The following HECW2 variants were observed in gnomAD, a reference collection of about 807,000 sequenced individuals.
HECW2 encodes HECT, C2 and WW domain containing E3 ubiquitin protein ligase 2, also known as E3 ubiquitin-protein ligase HECW2.
Under a neutral mutation model 175.2 loss-of-function variants are expected in HECW2, and 61 were observed. The observed-to-expected ratio is 0.35, with a 90% CI of 0.28 to 0.43. The LOEUF (loss-of-function observed/expected upper bound fraction) is 0.43, where lower values mean the gene tolerates loss of function less well. Among genes scored for constraint, HECW2 ranks in the 20% least tolerant of loss-of-function variants. HECW2 has a pLI of 1.00. For missense variants in HECW2, 1,524 were observed against 2,000.5 expected, an observed-to-expected ratio of 0.76 and a Z score of 4.54; for synonymous variants, 671 against 731.0, an observed-to-expected ratio of 0.92 and a Z score of 1.32.
chr2:196,491,035 C>T (rs1687167540), intron 1 of HECW2, among the ~76,000 whole-genome samples: 1 of 152,016 alleles, frequency 6.6e-6, no homozygotes, highest in South Asian at 2.1e-4. Flanking sequence ...TTTAGTCATG[C>T]TTATACAACT....
intron 2 of HECW2, among the ~76,000 whole-genome samples, chr2:196,399,742 C>A (rs956374756): frequency 1.3e-5 from 2 of 152,214 alleles, no homozygotes; most frequent in African/African-American, 4.8e-5. Flanking sequence ...CTAAGTAGGA[C>A]TGACAGATAG....
At chr2:196,277,228 C>G (rs965277432) in intron 15 of HECW2, among the ~76,000 whole-genome samples, 4 of 152,070 alleles carry the variant, frequency 2.6e-5, no homozygotes, top group Non-Finnish European at 5.9e-5. Flanking sequence ...GTGTGGTTAC[C>G]ATTGGTCCCT....
At chr2:196,226,969 A>G (rs1444296620) in intron 22 of HECW2, among the ~76,000 whole-genome samples, 1 of 152,228 alleles carries the variant, frequency 6.6e-6, no homozygotes, top group Non-Finnish European at 1.5e-5. Context: ...CTCTTTCAAA[A>G]GGATTCAAGT....
chr2:196,273,432 C>A (rs1689824049), intron 16 of HECW2, among the ~76,000 whole-genome samples: 2 of 152,318 alleles, frequency 1.3e-5, no homozygotes, highest in African/African-American at 4.8e-5. Flanking sequence ...TCCACTCCAC[C>A]TGCCTCAGGC....
intron 1 of HECW2, among the ~76,000 whole-genome samples, chr2:196,549,252 A>G (rs560250896): frequency 3.7e-4 from 57 of 152,328 alleles, no homozygotes; most frequent in Non-Finnish European, 4.3e-4. Context: ...AAAATAGAGC[A>G]CAGTCAGCAG....
chr2:196,348,926 C>G (rs1693064107), intron 2 of HECW2, among the ~76,000 whole-genome samples: 2 of 152,178 alleles, frequency 1.3e-5, no homozygotes, highest in South Asian at 4.1e-4. Flanking sequence ...TGTCCCTAAA[C>G]TCATGCATTC....
chr2:196,319,889 G>A lies in HECW2; in HGVS notation c.1001C>T (p.Ala334Val). 2 of 1,594,312 alleles carry A rather than the reference G, an allele frequency of 1.3e-6. No homozygotes were observed. The highest frequency in any genetic ancestry group is 1.7e-4 in the Middle Eastern group (1 of 5,994). ...SSVHEDASPE[A>V]VGTILGVNSV... ...ATTGACTCCAAGTATTGTGCCAACA[G>A]CTTCTGGAGAGGCATCTGAATGAGA... The change falls in exon 9 of 29, where the codon GCT becomes GTT. Residue 334 changes from alanine (A) to valine (V), a missense_variant. This residue lies in a region of HECW2 where 604 missense variants were observed against 588.3 expected (regional missense o/e 1.03). Coordinates refer to ENST00000644978, the MANE Select transcript of HECW2 (RefSeq NM_001348768.2).
At chr2:196,244,314 G>C (rs1333569506) in intron 19 of HECW2, among the ~76,000 whole-genome samples, 1 of 152,192 alleles carries the variant, frequency 6.6e-6, no homozygotes, top group Non-Finnish European at 1.5e-5. Context: ...GCTATACCTA[G>C]TCCTATAGAT....
intron 21 of HECW2, among the ~76,000 whole-genome samples, chr2:196,229,536 C>G (rs1360396062): frequency 6.6e-6 from 1 of 152,008 alleles, no homozygotes; most frequent in African/African-American, 2.4e-5. Context: ...AAAAATTAGC[C>G]AGGTGTGGTG....
chr2:196,530,881 T>C (rs1367204212), intron 1 of HECW2, among the ~76,000 whole-genome samples: 3 of 152,204 alleles, frequency 2.0e-5, no homozygotes, highest in African/African-American at 7.2e-5. Context: ...GTCCTAATAC[T>C]ACACCCAGTG....
chr2:196,538,185 G>A (rs1002527464), intron 1 of HECW2, among the ~76,000 whole-genome samples: 2 of 152,116 alleles, frequency 1.3e-5, no homozygotes, highest in Non-Finnish European at 2.9e-5. Flanking sequence ...TCCACAAAAC[G>A]ATTTGACCTG....
intron 1 of HECW2, among the ~76,000 whole-genome samples, chr2:196,438,367 T>C (rs1017907189): frequency 4.6e-5 from 7 of 152,250 alleles, no homozygotes; most frequent in African/African-American, 1.4e-4. Context: ...TTTAACTCAC[T>C]ATAGCCAAAC....
chr2:196,360,572 A>T (rs1693553313), intron 2 of HECW2, among the ~76,000 whole-genome samples: 1 of 152,158 alleles, frequency 6.6e-6, no homozygotes, highest in Non-Finnish European at 1.5e-5. Flanking sequence ...GAGAGAGAGG[A>T]TCAGAAAAAA....
At chr2:196,246,478 G>A (rs548039455) in intron 19 of HECW2, among the ~76,000 whole-genome samples, 4 of 152,160 alleles carry the variant, frequency 2.6e-5, no homozygotes, top group African/African-American at 9.6e-5. Flanking sequence ...TCCACCTCCC[G>A]GGTTCATGCC....
At chr2:196,250,092 C>A (rs936124330) in intron 19 of HECW2, among the ~76,000 whole-genome samples, 7 of 152,146 alleles carry the variant, frequency 4.6e-5, no homozygotes, top group African/African-American at 1.7e-4. Context: ...GAAGGGGCAG[C>A]ATTTGGCAAT....
chr2:196,492,997 T>A (rs1485909277), intron 1 of HECW2, among the ~76,000 whole-genome samples: 1 of 152,202 alleles, frequency 6.6e-6, no homozygotes, highest in African/African-American at 2.4e-5. Flanking sequence ...ATAGGGGGAA[T>A]AGAATAGAGA....
At chr2:196,590,712 G>A (rs1449652487) in intron 1 of HECW2, among the ~76,000 whole-genome samples, 3 of 152,200 alleles carry the variant, frequency 2.0e-5, no homozygotes, top group Non-Finnish European at 4.4e-5. Flanking sequence ...CACCTCTCCT[G>A]CAAAACACAT....
chr2:196,584,968 A>C (rs1690921446), intron 1 of HECW2, among the ~76,000 whole-genome samples: 1 of 152,188 alleles, frequency 6.6e-6, no homozygotes, highest in South Asian at 2.1e-4. Context: ...CATATACCAA[A>C]TATTACTTCC....
At chr2:196,378,093 A>T (rs1694101879) in intron 2 of HECW2, among the ~76,000 whole-genome samples, 1 of 152,146 alleles carries the variant, frequency 6.6e-6, no homozygotes, top group Non-Finnish European at 1.5e-5. Flanking sequence ...TTGGGTTGGG[A>T]GTCAATGGGA....
Sources: gnomAD v4.1 joint callset for allele counts (sites outside exome capture counted in the v4.1 genomes callset) on GRCh38, gnomAD v4.1.1 for gene constraint, gnomAD v4.1.1 regional missense constraint, MANE v1.5 for transcripts, NCBI Gene and HGNC (gene_info 2026-07-23, HGNC 2026-07-21) for gene names.